The following SPINDOC variants were observed in gnomAD, a reference collection of about 807,000 sequenced individuals.
SPINDOC encodes the protein spindlin interactor and repressor of chromatin-binding protein.
A neutral mutation model predicts 30.7 loss-of-function variants in SPINDOC; 13 were observed. That is an observed-to-expected ratio of 0.42 (90% CI 0.28 to 0.67). The LOEUF (loss-of-function observed/expected upper bound fraction) is 0.67. SPINDOC is among the 30% of genes least tolerant of loss of function. SPINDOC has a pLI of 0.22. For missense variants in SPINDOC, 438 were observed against 518.0 expected (o/e 0.85, Z 1.50); for synonymous variants, 228 against 211.4 (o/e 1.08, Z -0.68).
At chr11:63,819,777 G>A (rs2015459635) in intron 5 of SPINDOC, among the ~76,000 whole-genome samples, 1 of 152,330 alleles carries the variant, frequency 6.6e-6, no homozygotes, top group South Asian at 2.1e-4. Flanking sequence ...GATTACAGGC[G>A]TGAGCCACCG....
rs199687576 is a variant in SPINDOC at position 63,818,172 on chromosome 11, C to T, written c.457+38C>T. On this transcript the variant is annotated intron_variant, in intron 2 of 5. Transcript: ENST00000294244. The surrounding 1 kb of genome is among the most constrained non-coding windows in gnomAD (Gnocchi z 5.3). ...GGGGCTGGCGAAGGGAGAAGTCGGA[C>T]TTGTTGGGGCACTAGAAGCTCATTG... The T allele has an allele frequency of 2.5e-4, 409 of 1,613,260 alleles. No individual in the cohort carries two copies. The highest frequency in any genetic ancestry group is 3.3e-4 in the Non-Finnish European group (387 of 1,179,338).
chr11:63,827,473 A>C lies in SPINDOC; in HGVS notation c.*334A>C, dbSNP rs1590940100. 2.8e-6 allele frequency: 1 copy of C among 359,082 alleles called. No homozygotes were observed. Among genetic ancestry groups the C allele is most frequent in the Non-Finnish European group, 5.0e-6 (1 of 199,172 alleles). 22.2% of individuals were successfully genotyped at this position (359,082 alleles called of 1,614,324 possible). A position where few individuals can be genotyped will look rare whatever the true frequency, so the allele number is the denominator to read the frequency against. On this transcript the variant is annotated 3_prime_UTR_variant, in exon 6 of 6. Transcript: ENST00000294244. Reference sequence around the variant, plus strand: ...CTGCTCCCCACCATTCTCCCTTGGCACAGTGCCTTACACAAGAGTGGTCAT... The same window carrying C: ...CTGCTCCCCACCATTCTCCCTTGGCCCAGTGCCTTACACAAGAGTGGTCAT...
At chr11:63,813,958 G>C (rs144456378) in intron 1 of SPINDOC, 145 bp downstream of exon 1, 36 of 1,089,472 alleles carry the variant, frequency 3.3e-5, no homozygotes, top group African/African-American at 6.6e-5. Flanking sequence ...TCTGGGTCCA[G>C]GGCGCGCTCT....
In SPINDOC at chr11:63,817,919, G is replaced by A. The variant is rs753863038; in HGVS notation, c.242G>A (p.Ser81Asn). The A allele has an allele frequency of 8.7e-6, 14 of 1,613,976 alleles. No homozygotes were observed. In the Admixed American group the frequency reaches 1.2e-4, roughly 13 times the overall value. Residue 81 changes from serine (S) to asparagine (N), a missense_variant, in exon 2 of 6, where the codon AGC becomes AAC. Coordinates refer to ENST00000294244, the MANE Select transcript of SPINDOC (RefSeq NM_138471.3). ...VSWEQEFLVG[S>N]SPGGSGRALC... ...TGGGAGCAGGAGTTCCTGGTGGGCA[G>A]CAGCCCAGGAGGCAGCGGGCGGGCA...
At chr11:63,822,932 G>C (rs995902560) in intron 5 of SPINDOC, 40 of 1,250,660 alleles carry the variant, frequency 3.2e-5, no homozygotes, top group Non-Finnish European at 3.9e-5. Context: ...GGCTTCAGCA[G>C]GCTGCTTGAG....
intron 1 of SPINDOC, 119 bp from the exon 2 acceptor site, chr11:63,817,686 C>T: frequency 1.1e-6 from 1 of 921,014 alleles, no homozygotes; most frequent in Non-Finnish European, 1.6e-6. Context: ...AAGAAGAACA[C>T]TTTGGCCAGA....
chr11:63,814,633 G>C (rs1304203421), intron 1 of SPINDOC, among the ~76,000 whole-genome samples: 1 of 152,160 alleles, frequency 6.6e-6, no homozygotes, highest in Non-Finnish European at 1.5e-5. Context: ...TTCTTAGGCG[G>C]GATAGTACCC....
chr11:63,827,159 G>T lies in SPINDOC; in HGVS notation c.*20G>T. 1.2e-6 allele frequency: 2 copies of T among 1,604,900 alleles called. No individual in the cohort carries two copies. The highest frequency in any genetic ancestry group is 1.1e-5 in the South Asian group (1 of 90,568). ...GTGTAAATTCTTGCTTTCCTGGGGAGGGAGGGAGGGATGAGGCAGCGTCCC... is the reference window on the plus strand; with the variant it reads ...GTGTAAATTCTTGCTTTCCTGGGGATGGAGGGAGGGATGAGGCAGCGTCCC... On this transcript the variant is annotated 3_prime_UTR_variant, in exon 6 of 6. Coordinates refer to ENST00000294244, the MANE Select transcript of SPINDOC (RefSeq NM_138471.3).
chr11:63,819,067 A>G (rs1433341323), intron 5 of SPINDOC, 65 bp downstream of exon 5: 24 of 1,026,582 alleles, frequency 2.3e-5, no homozygotes, highest in Non-Finnish European at 3.1e-5. Context: ...GCCAGGCCTC[A>G]GAGAGGCTGC....
chr11:63,822,555 A>G, intron 5 of SPINDOC: 3 of 1,261,060 alleles, frequency 2.4e-6, no homozygotes, highest in Non-Finnish European at 3.1e-6. Context: ...TATTTGCCTA[A>G]ATTTGAGCCC....
intron 5 of SPINDOC, chr11:63,823,399 C>T: frequency 2.6e-6 from 3 of 1,143,988 alleles, no homozygotes; most frequent in Non-Finnish European, 3.3e-6. Flanking sequence ...GTGGATTTAA[C>T]AGTTGGAAAA....
intron 5 of SPINDOC, among the ~76,000 whole-genome samples, chr11:63,824,359 C>T (rs1414639075): frequency 6.6e-6 from 1 of 152,200 alleles, no homozygotes; most frequent in African/African-American, 2.4e-5. Flanking sequence ...TCTTGCCGCT[C>T]ACTCTCAGCT....
At chr11:63,820,441 C>T (rs1294377077) in intron 5 of SPINDOC, among the ~76,000 whole-genome samples, 1 of 151,144 alleles carries the variant, frequency 6.6e-6, no homozygotes. Context: ...GTTTATTTGG[C>T]CCTTACAAAA....
intron 1 of SPINDOC, among the ~76,000 whole-genome samples, chr11:63,815,768 A>ATT (rs34469401): frequency 1.9e-4 from 27 of 142,220 alleles, no homozygotes; most frequent in African/African-American, 5.1e-4. Flanking sequence ...ATGGTCATGG[A>ATT]TTTTTTTTTT....
At chr11:63,819,749 A>G (rs1396280854) in intron 5 of SPINDOC, among the ~76,000 whole-genome samples, 1 of 152,184 alleles carries the variant, frequency 6.6e-6, no homozygotes, top group Non-Finnish European at 1.5e-5. Flanking sequence ...CACCTGCCTC[A>G]GCCTCCCAAA....
At chr11:63,814,844 T>C (rs1467089558) in intron 1 of SPINDOC, among the ~76,000 whole-genome samples, 1 of 152,218 alleles carries the variant, frequency 6.6e-6, no homozygotes, top group African/African-American at 2.4e-5. Context: ...TGAGTGTTCA[T>C]TGGGCATTGT....
rs911017473 is a variant in SPINDOC, at chr11:63,813,468, C to T, written c.-219C>T. On this transcript the variant is annotated 5_prime_UTR_variant, in exon 1 of 6. Transcript: ENST00000294244. ...GGGCAGGGGCCCCGGATTGAGCCCT[C>T]CCCGCCCGGGCTCCCGACGCGCCGA... The T allele has an allele frequency of 5.8e-6, 1 of 172,904 alleles. No individual in the cohort carries two copies. The highest frequency in any genetic ancestry group is 6.7e-5 in the Admixed American group (1 of 14,990). 10.7% of individuals were successfully genotyped at this position (172,904 alleles called of 1,614,324 possible). A position where few individuals can be genotyped will look rare whatever the true frequency, so the allele number is the denominator to read the frequency against.
chr11:63,818,104 A>C lies in SPINDOC; in HGVS notation c.427A>C (p.Arg143=), dbSNP rs1443926834. Reference sequence around the variant, plus strand: ...AGGGGTGGCCCTCTTGCAAGACGTGAGAGCTGAGCAGCCGTCCCCACCCAA... The same window carrying C: ...AGGGGTGGCCCTCTTGCAAGACGTGCGAGCTGAGCAGCCGTCCCCACCCAA... ...SEGVALLQDV[R]AEQPSPPNSD... Residue 143 remains arginine (R), a synonymous_variant, in exon 2 of 6, where the codon AGA becomes CGA. Transcript: ENST00000294244. This position sits in a 1 kb window ranked among gnomAD's most constrained non-coding sequence, Gnocchi z 5.3. 2 of 1,614,032 alleles carry C rather than the reference A, an allele frequency of 1.2e-6. No homozygotes were observed. Among genetic ancestry groups the C allele is most frequent in the South Asian group, 1.1e-5 (1 of 91,082 alleles).
intron 1 of SPINDOC, 37 bp downstream of exon 1, chr11:63,813,850 G>GCGGGGC (rs1219112007): frequency 2.7e-6 from 4 of 1,482,504 alleles, no homozygotes; most frequent in African/African-American, 1.4e-5. Context: ...GCGTCACGGT[G>GCGGGGC]CGGGGCCGGG....
Sources: allele counts gnomAD v4.1 joint callset (sites outside exome capture counted in the v4.1 genomes callset), GRCh38; gene constraint gnomAD v4.1.1; non-coding constraint Gnocchi (gnomAD v3.1); transcripts MANE v1.5; gene names NCBI Gene and HGNC (gene_info 2026-07-23, HGNC 2026-07-21).